Variants in SMARCC1 observed in about 807,000 individuals in gnomAD.
SMARCC1 encodes SWI/SNF related BAF chromatin remodeling complex subunit C1.
SMARCC1 carries 43 observed loss-of-function variants against 147.4 expected under a neutral mutation model. The ratio of observed to expected loss-of-function variants is 0.29; its 90% confidence interval spans 0.23 to 0.38. SMARCC1 has a LOEUF of 0.38. Among genes scored for constraint, SMARCC1 ranks in the 10% least tolerant of loss-of-function variants. SMARCC1 has a pLI of 1.00. For synonymous variants in SMARCC1, 495 were observed against 484.4 expected (o/e 1.02, Z -0.29); for missense variants, 1,119 against 1,381.1 (o/e 0.81, Z 3.01).
chr3:47,714,799 A>G (rs2034135764), intron 7 of SMARCC1, among the ~76,000 whole-genome samples: 1 of 152,138 alleles, frequency 6.6e-6, no homozygotes, highest in African/African-American at 2.4e-5. Flanking sequence ...ATCTCGAAAC[A>G]AAACAAAACA....
At chr3:47,702,460 C>T (rs1471045517) in intron 10 of SMARCC1, among the ~76,000 whole-genome samples, 1 of 152,086 alleles carries the variant, frequency 6.6e-6, no homozygotes, top group Non-Finnish European at 1.5e-5. Context: ...TTTAACAATT[C>T]ACTAAGAGGT....
Position 47,714,509 on chromosome 3 carries a change from G to A in SMARCC1, c.717-19C>T, listed in dbSNP as rs749467381. 3.1e-6 allele frequency: 4 copies of A among 1,296,436 alleles called. No individual in the cohort carries two copies. Among genetic ancestry groups the A allele is most frequent in the East Asian group, 2.4e-5 (1 of 41,850 alleles). The allele number at this position is 1,296,436 out of a possible 1,614,324, so 80.3% of individuals were successfully genotyped here. A position where few individuals can be genotyped will look rare whatever the true frequency, so the allele number is the denominator to read the frequency against. On this transcript the variant is annotated intron_variant, in intron 7 of 27. Coordinates refer to ENST00000254480, the MANE Select transcript of SMARCC1 (RefSeq NM_003074.4). ...ATCATAGCTATAAAGGAATCAAAAT[G>A]AGAAAAACAAATTAGAGTCAAAGGT...
intron 26 of SMARCC1, among the ~76,000 whole-genome samples, chr3:47,605,659 G>GCT (rs776583501): frequency 1.3e-5 from 2 of 152,166 alleles, no homozygotes; most frequent in Non-Finnish European, 2.9e-5. Context: ...TGTGGTCCCA[G>GCT]CTACTCAAGA....
intron 25 of SMARCC1, among the ~76,000 whole-genome samples, chr3:47,617,438 T>C (rs1245981390): frequency 6.6e-6 from 1 of 152,256 alleles, no homozygotes; most frequent in Non-Finnish European, 1.5e-5. Context: ...CAATAAATGC[T>C]CACAAAGCCA....
At position 47,585,520 on chromosome 3, in the gene SMARCC1, G is replaced by A. The variant is rs920585648; in HGVS notation, c.*2689C>T. Reference sequence around the variant, plus strand: ...TTATATCTGTGAGTACCCAAAAGCTGTCCCCCAAGGTTCACAGAATCTTCT... The same window carrying A: ...TTATATCTGTGAGTACCCAAAAGCTATCCCCCAAGGTTCACAGAATCTTCT... On this transcript the variant is annotated 3_prime_UTR_variant, in exon 28 of 28. Coordinates refer to ENST00000254480, the MANE Select transcript of SMARCC1 (RefSeq NM_003074.4). The A allele has an allele frequency of 5.9e-5, 9 of 152,118 alleles. No homozygotes were observed. The highest frequency in any genetic ancestry group is 2.2e-4 in the African/African-American group (9 of 41,404). 9.4% of individuals were successfully genotyped at this position (152,118 alleles called of 1,614,324 possible).
rs117659609 is a variant in SMARCC1 at position 47,753,977 on chromosome 3, C to T, written c.316-7984G>A. Reference sequence around the variant, plus strand: ...CATTTAAATTCCAGAATTCTTATACCTCACAAAATAAAATGACACACGTCA... The same window carrying T: ...CATTTAAATTCCAGAATTCTTATACTTCACAAAATAAAATGACACACGTCA... On this transcript the variant is annotated intron_variant, in intron 2 of 27. Coordinates refer to ENST00000254480, the MANE Select transcript of SMARCC1 (RefSeq NM_003074.4). 3.0e-4 allele frequency among the ~76,000 whole-genome samples: 45 copies of T among 152,064 alleles called. 2 individuals carry two copies. The East Asian group carries it at 8.5e-3, about 29-fold the overall frequency.
rs370884034 is a variant in SMARCC1 at position 47,744,234 on chromosome 3, C to T, written c.401+1674G>A. 8.5e-5 allele frequency among the ~76,000 whole-genome samples: 13 copies of T among 152,178 alleles called. No individual in the cohort carries two copies. In the East Asian group the frequency reaches 1.5e-3, roughly 18 times the overall value. On this transcript the variant is annotated intron_variant, in intron 3 of 27. Transcript: ENST00000254480. ...TCAGCTCACTGCAACCTCCGTCTCC[C>T]GGGTTCAAGCAATTCTCCTGTCTCA... is the stretch of plus-strand genomic sequence containing the variant.
chr3:47,682,572 A>T (rs2033667005), intron 14 of SMARCC1, among the ~76,000 whole-genome samples: 1 of 152,200 alleles, frequency 6.6e-6, no homozygotes, highest in African/African-American at 2.4e-5. Context: ...ATCTAATTTT[A>T]GAGAAAAAGA....
Position 47,633,786 on chromosome 3 carries a change from ACACACACACACACACACAC to A in SMARCC1, c.2646+1385_2646+1403del, listed in dbSNP as rs2032931286. 5.4e-5 allele frequency among the ~76,000 whole-genome samples: 2 copies of A among 37,032 alleles called. 1 individual carries two copies. Among genetic ancestry groups the A allele is most frequent in the Admixed American group, 6.4e-4 (2 of 3,126 alleles). The allele number at this position is 37,032 out of a possible 152,430, so 24.3% of individuals were successfully genotyped here. On this transcript the variant is annotated intron_variant, in intron 24 of 27. Transcript: ENST00000254480. Reference sequence around the variant, plus strand: ...AAAATATATATATATATATACACACACACACACACACACACACACACACACACACACATATATATAAAAT... The same window carrying A: ...AAAATATATATATATATATACACACAACACACACACACATATATATAAAAT...
At chr3:47,731,277 T>C (rs1201053358) in intron 5 of SMARCC1, among the ~76,000 whole-genome samples, 1 of 152,200 alleles carries the variant, frequency 6.6e-6, no homozygotes, top group African/African-American at 2.4e-5. Context: ...AGTTTTGTCA[T>C]GAGATCGCGG....
intron 12 of SMARCC1, among the ~76,000 whole-genome samples, chr3:47,691,601 C>T (rs1043204413): frequency 6.6e-6 from 1 of 151,758 alleles, no homozygotes; most frequent in Non-Finnish European, 1.5e-5. Flanking sequence ...GTGACAAGAG[C>T]GAGACTTTGT....
At chr3:47,714,356 C>T in intron 8 of SMARCC1, 59 bp downstream of exon 8, 1 of 976,104 alleles carries the variant, frequency 1.0e-6, no homozygotes. Flanking sequence ...GAGTGAGACG[C>T]CATCTCAAAA....
Position 47,643,971 on chromosome 3 carries a change from G to A in SMARCC1, c.2321-5191C>T, listed in dbSNP as rs370209520. Among the ~76,000 whole-genome samples the A allele has an allele frequency of 3.9e-5, 6 of 152,304 alleles. 1 individual carries two copies. Among genetic ancestry groups the A allele is most frequent in the African/African-American group, 1.4e-4 (6 of 41,566 alleles). ...TCTGGAAGGCTGGTGTGGGAGGAAT[G>A]CGGCCAGCAATTCAAGACCAGCCTG... On this transcript the variant is annotated intron_variant, in intron 21 of 27. Coordinates refer to ENST00000254480, the MANE Select transcript of SMARCC1 (RefSeq NM_003074.4).
At chr3:47,676,840 TATC>T (rs1454266039) in intron 16 of SMARCC1, 58 bp from the exon 17 acceptor site, 3 of 1,449,698 alleles carry the variant, frequency 2.1e-6, no homozygotes, top group Non-Finnish European at 1.9e-6. Flanking sequence ...GTGCTTTTAC[TATC>T]ATCATCATGC....
chr3:47,723,407 C>T (rs1314883817), intron 6 of SMARCC1, among the ~76,000 whole-genome samples: 1 of 122,242 alleles, frequency 8.2e-6, no homozygotes, highest in African/African-American at 3.2e-5. Context: ...GTTGCCCAGG[C>T]TGGAGTGCAG....
intron 24 of SMARCC1, among the ~76,000 whole-genome samples, chr3:47,628,085 G>C (rs2032838942): frequency 6.6e-6 from 1 of 151,580 alleles, no homozygotes. Flanking sequence ...AGCTTCTTAG[G>C]TCTGTAAGTT....
At position 47,626,515 on chromosome 3, in the gene SMARCC1, C is replaced by T. The variant is rs920758185; in HGVS notation, c.2647-4174G>A. Among the ~76,000 whole-genome samples the T allele has an allele frequency of 6.1e-5, 9 of 148,522 alleles. No homozygotes were observed. The East Asian group carries it at 1.2e-3, about 19-fold the overall frequency. On this transcript the variant is annotated intron_variant, in intron 24 of 27. Transcript: ENST00000254480. ...AAAAAAAGGAAAAAGAAAAAAGAGA[C>T]GAGTAAATGGCAGAGCTGGAACTAA...
Position 47,678,320 on chromosome 3 carries a change from C to A in SMARCC1, c.1458-9G>T. ...TTCGATATGCCAAGTATCTAAAAAG[C>A]AATGGCAAAATTCATAAGGTGGACA... On this transcript the variant is annotated splice_polypyrimidine_tract_variant and intron_variant, in intron 15 of 27. Transcript: ENST00000254480. 6.8e-7 allele frequency: 1 copy of A among 1,472,050 alleles called. No homozygotes were observed. Among genetic ancestry groups the A allele is most frequent in the Non-Finnish European group, 9.4e-7 (1 of 1,064,086 alleles). The allele number at this position is 1,472,050 out of a possible 1,614,324, so 91.2% of individuals were successfully genotyped here. A position where few individuals can be genotyped will look rare whatever the true frequency, so the allele number is the denominator to read the frequency against.
intron 2 of SMARCC1, among the ~76,000 whole-genome samples, chr3:47,750,985 C>T (rs1160499103): frequency 6.6e-6 from 1 of 151,806 alleles, no homozygotes; most frequent in Admixed American, 6.6e-5. Flanking sequence ...GCAACCTCTG[C>T]CTCCCGGGTT....
Sources: allele counts gnomAD v4.1 joint callset (sites outside exome capture counted in the v4.1 genomes callset), GRCh38; gene constraint gnomAD v4.1.1; transcripts MANE v1.5; gene names NCBI Gene and HGNC (gene_info 2026-07-23, HGNC 2026-07-21).